Variants in CCSER1 observed in about 807,000 individuals in gnomAD.
CCSER1 encodes coiled-coil serine rich protein 1.
Under a neutral mutation model 82.0 loss-of-function variants are expected in CCSER1, and 41 were observed. The ratio of observed to expected loss-of-function variants is 0.50; its 90% CI spans 0.39 to 0.65. The LOEUF (loss-of-function observed/expected upper bound fraction) is 0.65. Ranked by LOEUF, CCSER1 falls within the 30% of genes least tolerant of loss-of-function variation. The probability of loss-of-function intolerance (pLI) is 0.00; values close to 1 mark genes in which losing one functional copy is unlikely to be tolerated. For synonymous variants in CCSER1, 414 were observed against 383.9 expected (o/e 1.08, Z -0.92); for missense variants, 1,119 against 1,064.2 (o/e 1.05, Z -0.72).
chr4:91,118,423 C>T (rs2148886899), intron 10 of CCSER1, among the ~76,000 whole-genome samples: 1 of 151,716 alleles, frequency 6.6e-6, no homozygotes, highest in African/African-American at 2.4e-5. Context: ...TACAGGTACA[C>T]ACCACTGCAC....
intron 5 of CCSER1, among the ~76,000 whole-genome samples, chr4:90,472,729 A>G (rs779393099): frequency 5.3e-5 from 8 of 152,182 alleles, no homozygotes; most frequent in Non-Finnish European, 1.2e-4. Flanking sequence ...AAGAGTGTAC[A>G]ATTTTCAAAT....
At chr4:91,235,090 TAAGTC>T (rs1738902226) in intron 10 of CCSER1, among the ~76,000 whole-genome samples, 1 of 152,066 alleles carries the variant, frequency 6.6e-6, no homozygotes. Flanking sequence ...TGATTCAACA[TAAGTC>T]AAGCACTTAG....
intron 10 of CCSER1, among the ~76,000 whole-genome samples, chr4:91,436,895 A>C (rs2149399729): frequency 6.6e-6 from 1 of 152,340 alleles, no homozygotes; most frequent in South Asian, 2.1e-4. Flanking sequence ...AATAACCAAA[A>C]GCCAATTAAG....
At chr4:91,412,382 A>G (rs79484676) in intron 10 of CCSER1, among the ~76,000 whole-genome samples, 3,683 of 151,978 alleles carry the variant, frequency 0.024, 124 homozygotes, top group African/African-American at 0.082. Context: ...TCTGAGGCCA[A>G]TACTGCTTGT....
At chr4:90,197,110 A>T (rs1736767550) in intron 1 of CCSER1, among the ~76,000 whole-genome samples, 1 of 152,092 alleles carries the variant, frequency 6.6e-6, no homozygotes, top group Admixed American at 6.6e-5. Flanking sequence ...GGGCTTCATT[A>T]ATTTGCCAGA....
intron 4 of CCSER1, among the ~76,000 whole-genome samples, chr4:90,408,096 C>T (rs542535154): frequency 1.2e-4 from 18 of 152,308 alleles, no homozygotes; most frequent in African/African-American, 2.6e-4. Context: ...GAGGGGCACC[C>T]GCCATTGCCC....
intron 10 of CCSER1, among the ~76,000 whole-genome samples, chr4:91,514,607 G>C (rs964953461): frequency 2.8e-5 from 4 of 140,824 alleles, no homozygotes; most frequent in African/African-American, 1.0e-4. Flanking sequence ...AGGAGTATTT[G>C]TTTTATGAAT....
At chr4:91,391,235 T>G (rs939049681) in intron 10 of CCSER1, among the ~76,000 whole-genome samples, 1 of 152,174 alleles carries the variant, frequency 6.6e-6, no homozygotes, top group Non-Finnish European at 1.5e-5. Flanking sequence ...AAAAATTTAA[T>G]AAATTATATT....
chr4:91,359,961 G>A (rs1351263148), intron 10 of CCSER1, among the ~76,000 whole-genome samples: 5 of 151,830 alleles, frequency 3.3e-5, no homozygotes, highest in Admixed American at 6.6e-5. Context: ...CAGATATTAA[G>A]GTGAGGGTCA....
chr4:90,904,901 T>G (rs1304153197), intron 8 of CCSER1, among the ~76,000 whole-genome samples: 1 of 152,104 alleles, frequency 6.6e-6, no homozygotes, highest in Non-Finnish European at 1.5e-5. Context: ...ATCCTGCTTC[T>G]TCTTCGCCCA....
intron 10 of CCSER1, among the ~76,000 whole-genome samples, chr4:91,137,653 C>T (rs1488308586): frequency 9.4e-5 from 14 of 148,764 alleles, no homozygotes; most frequent in Admixed American, 6.8e-4. Flanking sequence ...TCCTATTTCT[C>T]CACATCCTCT....
intron 1 of CCSER1, among the ~76,000 whole-genome samples, chr4:90,171,746 G>C (rs547891015): frequency 8.6e-5 from 13 of 151,972 alleles, no homozygotes; most frequent in African/African-American, 2.9e-4. Context: ...GAATTGTACA[G>C]TTAAAAGAGT....
intron 10 of CCSER1, among the ~76,000 whole-genome samples, chr4:91,501,677 A>T (rs970073433): frequency 4.2e-4 from 64 of 151,952 alleles, no homozygotes; most frequent in African/African-American, 1.5e-3. Flanking sequence ...TGCTTTTAAC[A>T]TGTTATTTTT....
At chr4:91,105,648 G>A (rs1345850192) in intron 10 of CCSER1, among the ~76,000 whole-genome samples, 2 of 152,120 alleles carry the variant, frequency 1.3e-5, no homozygotes, top group Admixed American at 1.3e-4. Flanking sequence ...AAGTTGCAGT[G>A]AGATGAGATC....
chr4:91,543,099 T>A (rs2110201443), intron 10 of CCSER1, among the ~76,000 whole-genome samples: 1 of 152,294 alleles, frequency 6.6e-6, no homozygotes, highest in Non-Finnish European at 1.5e-5. Flanking sequence ...TTAAAGTCCA[T>A]TTTATCAGAG....
intron 10 of CCSER1, among the ~76,000 whole-genome samples, chr4:91,490,508 C>T (rs567619976): frequency 1.8e-3 from 269 of 151,948 alleles, no homozygotes; most frequent in African/African-American, 5.7e-3. Context: ...ATAAACTTCA[C>T]GTGTTATCAT....
At chr4:90,150,137 A>G (rs1335278287) in intron 1 of CCSER1, among the ~76,000 whole-genome samples, 7 of 152,154 alleles carry the variant, frequency 4.6e-5, no homozygotes, top group Admixed American at 4.6e-4. Flanking sequence ...ACATAATAGC[A>G]AGGGCTGATT....
Position 90,308,491 on chromosome 4 carries a change from C to A in CCSER1, c.207C>A (p.Ser69Arg). 6.2e-7 allele frequency: 1 copy of A among 1,613,888 alleles called. No homozygotes were observed. The highest frequency in any genetic ancestry group is 2.2e-5 in the East Asian group (1 of 44,864). Residue 69 changes from serine to arginine, a missense_variant, in exon 2 of 11, where the codon AGC (serine) becomes AGA (arginine). Coordinates refer to ENST00000509176, the MANE Select transcript of CCSER1 (RefSeq NM_001145065.2). ...RRSIFRTPSI[S>R]FHHKKGSEPK... is the part of the protein sequence containing the mutation. ...GCATATTCCGTACTCCTTCCATTAG[C>A]TTCCACCATAAGAAGGGGAGTGAGC...
intron 10 of CCSER1, among the ~76,000 whole-genome samples, chr4:91,283,781 C>CAA (rs571841324): frequency 6.8e-6 from 1 of 146,478 alleles, no homozygotes; most frequent in Admixed American, 6.8e-5. Context: ...TCATTTGCTC[C>CAA]AAAAAAAAAA....
Sources: gnomAD v4.1 joint callset for allele counts (sites outside exome capture counted in the v4.1 genomes callset) on GRCh38, gnomAD v4.1.1 for gene constraint, MANE v1.5 for transcripts, NCBI Gene and HGNC (gene_info 2026-07-23, HGNC 2026-07-21) for gene names.